COL21A1: variants seen among roughly 807,000 people sequenced by gnomAD.
The protein encoded by COL21A1 is collagen type XXI alpha 1 chain, also known as collagen alpha-1(XXI) chain.
Under a neutral mutation model 137.9 loss-of-function variants are expected in COL21A1, and 149 were observed. The ratio of observed to expected loss-of-function variants is 1.08; its 90% CI spans 0.95 to 1.24. The LOEUF (loss-of-function observed/expected upper bound fraction) is 1.24, where lower values mean the gene tolerates loss of function less well. Ranked by LOEUF, COL21A1 falls within the 50% of genes most tolerant of loss-of-function variation. COL21A1 has a pLI of 0.00. For missense variants in COL21A1, 1,167 were observed against 1,158.4 expected (o/e 1.01, Z -0.11); for synonymous variants, 456 against 391.5 (o/e 1.16, Z -1.95).
At chr6:56,057,952 A>C (rs575449646) in intron 29 of COL21A1, 108 bp from the exon 30 acceptor site, 1 of 753,198 alleles carries the variant, frequency 1.3e-6, no homozygotes. Context: ...TGAATATTTT[A>C]TATATTTGCA....
At chr6:56,328,427 T>C (rs1185157335) in intron 1 of COL21A1, among the ~76,000 whole-genome samples, 1 of 152,084 alleles carries the variant, frequency 6.6e-6, no homozygotes, top group Non-Finnish European at 1.5e-5. Flanking sequence ...ACACTAGTGG[T>C]ATGGCATAAA....
At chr6:56,249,916 G>T (rs570444177), upstream of COL21A1, among the ~76,000 whole-genome samples, 1 of 152,008 alleles carries the variant, frequency 6.6e-6, no homozygotes, top group Non-Finnish European at 1.5e-5. Flanking sequence ...CCTTTTAGTG[G>T]GTAAATTTTA....
In COL21A1 at chr6:56,168,259, T is replaced by G. The variant is rs781016162; in HGVS notation, c.1065A>C (p.Leu355Phe). ...FDEGWHQIRLLVTEQDVTLYI... is the reference protein window; with the variant it reads ...FDEGWHQIRLFVTEQDVTLYI... ...ACAAAGTCACATCTTGTTCTGTTAC[T>G]AAGAGACGAATTTGGTGCCAGCCTT... Residue 355 changes from leucine (L) to phenylalanine (F), a missense_variant, in exon 6 of 30, where the codon TTA becomes TTC. Physicochemically the swap from Leu to Phe is conservative, Grantham distance 22. Transcript: ENST00000244728. 1.3e-6 allele frequency: 2 copies of G among 1,557,518 alleles called. No homozygotes were observed. The highest frequency in any genetic ancestry group is 1.7e-4 in the Middle Eastern group (1 of 5,910).
intron 1 of COL21A1, among the ~76,000 whole-genome samples, chr6:56,343,452 A>G (rs1765515543): frequency 6.6e-6 from 1 of 152,250 alleles, no homozygotes; most frequent in Non-Finnish European, 1.5e-5. Context: ...ATACGGAAGC[A>G]ATAACTGTCA....
intron 9 of COL21A1, among the ~76,000 whole-genome samples, chr6:56,159,590 C>T (rs1776039494): frequency 6.6e-6 from 1 of 150,896 alleles, no homozygotes; most frequent in Admixed American, 6.6e-5. Flanking sequence ...CTCTGCCTCC[C>T]AAAGTGTTGG....
rs1767149553 is a variant in COL21A1, at chr6:56,075,497, T to C, written c.1893A>G (p.Lys631=). ...AACATACAGGCATCCCTGGGGCTCC[T>C]TTTTTTCCTTGCTGTCCTGGAGGCC... ...EIGPPGQQGK[K]GAPGMPGLMG... is the part of the protein sequence containing the mutation. The change falls in exon 19 of 30, where the codon AAA becomes AAG. Residue 631 remains lysine, a synonymous_variant. Transcript: ENST00000244728. The C allele has an allele frequency of 8.5e-6, 13 of 1,527,910 alleles. No individual in the cohort carries two copies. The highest frequency in any genetic ancestry group is 1.1e-5 in the Non-Finnish European group (13 of 1,135,672). The allele number at this position is 1,527,910 out of a possible 1,614,324, so 94.6% of individuals were successfully genotyped here.
intron 16 of COL21A1, among the ~76,000 whole-genome samples, chr6:56,121,535 TATATGTATATTC>T: frequency 7.1e-6 from 1 of 141,524 alleles, no homozygotes; most frequent in Non-Finnish European, 1.5e-5. Context: ...CATATACATA[TATATGTATATTC>T]ATATGTATAT....
rs767431867 is a variant in COL21A1 at position 56,170,724 on chromosome 6, G to A, written c.951C>T (p.Asp317=). 2.6e-5 allele frequency: 41 copies of A among 1,607,302 alleles called. No homozygotes were observed. The Middle Eastern group carries it at 1.2e-3, about 45-fold the overall frequency. ...TGGTTGTTGTAAATAATAAGATTTT[G>A]TCCACACCATTTAAGGTAACTGCTA... ...PQIAVTLNGV[D]KILLFTTTSV... The change falls in exon 5 of 30, where the codon GAC becomes GAT. Residue 317 remains aspartate, a synonymous_variant. Coordinates refer to ENST00000244728, the MANE Select transcript of COL21A1 (RefSeq NM_030820.4).
intron 1 of COL21A1, among the ~76,000 whole-genome samples, chr6:56,371,504 C>CA (rs890687014): frequency 6.6e-6 from 1 of 152,178 alleles, no homozygotes; most frequent in African/African-American, 2.4e-5. Context: ...AAGTTCCCCC[C>CA]ATTCACGTGG....
chr6:56,190,696 A>G (rs9475601), intron 1 of COL21A1, among the ~76,000 whole-genome samples: 1,836 of 152,318 alleles, frequency 0.012, 33 homozygotes, highest in African/African-American at 0.041. Context: ...CCTCAATAAA[A>G]TACTGGCAAA....
At chr6:56,160,542 T>C (rs776912477) in intron 9 of COL21A1, among the ~76,000 whole-genome samples, 1 of 152,218 alleles carries the variant, frequency 6.6e-6, no homozygotes, top group Admixed American at 6.5e-5. Flanking sequence ...TACATTAAAT[T>C]AGACACATGA....
chr6:56,325,130 A>C (rs1011619310), intron 1 of COL21A1, among the ~76,000 whole-genome samples: 57 of 148,144 alleles, frequency 3.8e-4, no homozygotes, highest in African/African-American at 1.4e-3. Context: ...TTTATTCTAC[A>C]TGAAGCCTCC....
At chr6:56,119,431 A>G (rs561611211) in intron 16 of COL21A1, among the ~76,000 whole-genome samples, 2 of 151,152 alleles carry the variant, frequency 1.3e-5, no homozygotes, top group South Asian at 2.1e-4. Context: ...ATAAAAAAAT[A>G]TTTCATGTTC....
At chr6:56,125,679 G>A (rs1002265247) in intron 13 of COL21A1, 59 bp from the exon 14 acceptor site, 21 of 1,096,090 alleles carry the variant, frequency 1.9e-5, no homozygotes, top group African/African-American at 1.8e-4. Flanking sequence ...TTCTTATAAA[G>A]AAAAAATACA....
rs147304077 is a variant in COL21A1, at chr6:56,230,708, C to T, written c.-39+16679G>A. On this transcript the variant is annotated intron_variant, in intron 1 of 29. Coordinates refer to ENST00000244728, the MANE Select transcript of COL21A1 (RefSeq NM_030820.4). ...TGTATGAGTATCTAACTCCTTACCACATGCTTAATATTGCACAATTTTAAA... is the reference window on the plus strand; with the variant it reads ...TGTATGAGTATCTAACTCCTTACCATATGCTTAATATTGCACAATTTTAAA... 1.6e-3 allele frequency among the ~76,000 whole-genome samples: 243 copies of T among 151,954 alleles called. 1 individual carries two copies. The highest frequency in any genetic ancestry group is 5.5e-3 in the African/African-American group (229 of 41,498).
chr6:56,373,459 G>A (rs9475688), intron 1 of COL21A1, among the ~76,000 whole-genome samples: 25,757 of 151,970 alleles, frequency 0.17, 2,296 homozygotes, highest in African/African-American at 0.19. Flanking sequence ...AAAATTAGCC[G>A]GGTGTGGTGG....
rs1392863764 is a variant in COL21A1, at chr6:56,126,124, G to C, written c.1568C>G (p.Pro523Arg). Residue 523 changes from proline (P) to arginine (R), a missense_variant, in exon 13 of 30, where the codon CCT becomes CGT. Pro to Arg is a moderately radical substitution (Grantham distance 103). Coordinates refer to ENST00000244728, the MANE Select transcript of COL21A1 (RefSeq NM_030820.4). ...TGATCCTGGCATGCCATGAAGCCCA[G>C]GAAAACCAGGAAGTCCACGATCACC... is the stretch of plus-strand genomic sequence containing the variant. ...DKGDRGLPGF[P>R]GLHGMPGSKG... 1 of 1,548,108 alleles carries C rather than the reference G, an allele frequency of 6.5e-7. No homozygotes were observed. The highest frequency in any genetic ancestry group is 8.7e-7 in the Non-Finnish European group (1 of 1,145,258).
At position 56,057,742 on chromosome 6, in the gene COL21A1, G is replaced by A; in HGVS notation, c.2789C>T (p.Pro930Leu). 6.2e-7 allele frequency: 1 copy of A among 1,612,488 alleles called. No individual in the cohort carries two copies. Reference sequence around the variant, plus strand: ...TGGGTCGCAGATGCCTGGGGGGCCTGGTTGCCCTTGGATTCCAGGTTTTCC... The same window carrying A: ...TGGGTCGCAGATGCCTGGGGGGCCTAGTTGCCCTTGGATTCCAGGTTTTCC... The part of the protein sequence containing the change: ...DHGKPGIQGQ[P>L]GPPGICDPSL... Residue 930 changes from proline (P) to leucine (L), a missense_variant, in exon 30 of 30, where the codon CCA becomes CTA. By Grantham distance (98) the Pro-to-Leu change is moderately conservative. Coordinates refer to ENST00000244728, the MANE Select transcript of COL21A1 (RefSeq NM_030820.4).
intron 1 of COL21A1, among the ~76,000 whole-genome samples, chr6:56,294,677 T>C (rs76329223): frequency 6.6e-6 from 1 of 152,198 alleles, no homozygotes; most frequent in Non-Finnish European, 1.5e-5. Context: ...TGGTATCTCA[T>C]TGTTTTAATG....
Sources: allele counts gnomAD v4.1 joint callset (sites outside exome capture counted in the v4.1 genomes callset), GRCh38; gene constraint gnomAD v4.1.1; transcripts MANE v1.5; gene names NCBI Gene and HGNC (gene_info 2026-07-23, HGNC 2026-07-21).